MAGI1: variants seen among roughly 807,000 people sequenced by gnomAD.
The protein encoded by MAGI1 is membrane-associated guanylate kinase, WW and PDZ domain-containing protein 1.
In MAGI1, 58 loss-of-function variants were observed where a neutral mutation model predicts 139.9. The observed-to-expected ratio is 0.41, with a 90% CI of 0.34 to 0.52. The LOEUF (loss-of-function observed/expected upper bound fraction) is 0.52. MAGI1 is among the 20% of genes least tolerant of loss of function. MAGI1 has a pLI of 0.12. For synonymous variants in MAGI1, 812 were observed against 737.9 expected (o/e 1.10, Z -1.63); for missense variants, 1,874 against 1,901.6 (o/e 0.99, Z 0.27).
intron 1 of MAGI1, among the ~76,000 whole-genome samples, chr3:65,880,026 C>A (rs1027239871): frequency 6.6e-6 from 1 of 152,046 alleles, no homozygotes; most frequent in African/African-American, 2.4e-5. Flanking sequence ...TTTGGGAGGC[C>A]GAAGCAGGAG....
intron 4 of MAGI1, among the ~76,000 whole-genome samples, chr3:65,474,046 G>A (rs1950716905): frequency 2.6e-5 from 4 of 152,120 alleles, no homozygotes; most frequent in Non-Finnish European, 5.9e-5. Flanking sequence ...AAGGAGGAGT[G>A]CTTGAGCCCA....
In MAGI1 at chr3:65,439,885, TCTGCTGCTGCTGCTG is replaced by T. The variant is rs142043619; in HGVS notation, c.1249_1263del (p.Gln417_Gln421del). 8 of 1,584,784 alleles carry T rather than the reference TCTGCTGCTGCTGCTG, an allele frequency of 5.0e-6. No homozygotes were observed. Among genetic ancestry groups the T allele is most frequent in the Admixed American group, 3.4e-5 (2 of 58,968 alleles). On this transcript the variant is annotated inframe_deletion, in exon 9 of 23. Coordinates refer to ENST00000402939, the MANE Select transcript of MAGI1 (RefSeq NM_001033057.2). ...CTAGAGGAAAGAGGCCAACCTTCTG[TCTGCTGCTGCTGCTG>T]CTGCTGCTGCTGCTGTTGCTGCTGC...
At chr3:65,603,164 A>C (rs561800850) in intron 2 of MAGI1, among the ~76,000 whole-genome samples, 1 of 152,260 alleles carries the variant, frequency 6.6e-6, no homozygotes, top group Admixed American at 6.5e-5. Flanking sequence ...TATTTTATGG[A>C]CAGATTTTAC....
intron 2 of MAGI1, among the ~76,000 whole-genome samples, chr3:65,524,571 T>C (rs1016949609): frequency 3.9e-5 from 6 of 152,110 alleles, no homozygotes; most frequent in African/African-American, 9.7e-5. Context: ...CATGCTCAAA[T>C]AGAAACGAGG....
chr3:65,616,420 C>T (rs986993409), intron 2 of MAGI1, among the ~76,000 whole-genome samples: 7 of 152,072 alleles, frequency 4.6e-5, no homozygotes, highest in African/African-American at 1.4e-4. Context: ...AGAGTCGAAG[C>T]GTTCAGATCC....
intron 1 of MAGI1, among the ~76,000 whole-genome samples, chr3:65,693,153 C>G (rs892700260): frequency 6.6e-6 from 1 of 152,086 alleles, no homozygotes; most frequent in African/African-American, 2.4e-5. Flanking sequence ...CTGTGTTGCC[C>G]AGGCTTGTCT....
At chr3:65,470,610 C>CCTG in intron 4 of MAGI1, 126 bp from the exon 5 acceptor site, 1 of 573,928 alleles carries the variant, frequency 1.7e-6, no homozygotes, top group Non-Finnish European at 3.1e-6. Context: ...TGCTCTTATC[C>CCTG]TTTCCTAATT....
At chr3:65,817,447 G>T (rs186865792) in intron 1 of MAGI1, among the ~76,000 whole-genome samples, 173 of 152,196 alleles carry the variant, frequency 1.1e-3, no homozygotes, top group Non-Finnish European at 1.9e-3. Context: ...GCCTTTATAC[G>T]CAGTAATACT....
chr3:65,986,897 G>T (rs2065910784), intron 1 of MAGI1, among the ~76,000 whole-genome samples: 1 of 144,656 alleles, frequency 6.9e-6, no homozygotes, highest in African/African-American at 2.6e-5. Context: ...TTGAGACAGA[G>T]TCTAACTCTG....
intron 12 of MAGI1, among the ~76,000 whole-genome samples, chr3:65,426,076 A>C (rs1443705499): frequency 1.3e-5 from 2 of 152,124 alleles, no homozygotes; most frequent in Non-Finnish European, 2.9e-5. Context: ...AAGGACACAC[A>C]ATTGGAAGAG....
intron 2 of MAGI1, among the ~76,000 whole-genome samples, chr3:65,591,189 A>G (rs2081950212): frequency 6.6e-6 from 1 of 152,168 alleles, no homozygotes; most frequent in Non-Finnish European, 1.5e-5. Context: ...CCTGACTGTC[A>G]AGCTCACTAT....
intron 1 of MAGI1, among the ~76,000 whole-genome samples, chr3:65,900,163 CG>C (rs2061161437): frequency 6.6e-6 from 1 of 152,130 alleles, no homozygotes; most frequent in Non-Finnish European, 1.5e-5. Flanking sequence ...ATACACCCAT[CG>C]TCTTGCTTTG....
At position 65,982,762 on chromosome 3, in the gene MAGI1, C is replaced by T. The variant is rs187408293; in HGVS notation, c.313+55234G>A. Among the ~76,000 whole-genome samples the T allele has an allele frequency of 2.0e-5, 3 of 152,062 alleles. No individual in the cohort carries two copies. The South Asian group carries it at 6.2e-4, about 32-fold the overall frequency. On this transcript the variant is annotated intron_variant, in intron 1 of 22. Transcript: ENST00000402939. ...TGACTGTATATCTAAGCTCAGTAGG[C>T]ACCAGTGCCAAAAATCTACATTTGA...
intron 1 of MAGI1, among the ~76,000 whole-genome samples, chr3:65,826,345 T>C (rs746264189): frequency 1.5e-4 from 23 of 152,222 alleles, no homozygotes; most frequent in Non-Finnish European, 2.8e-4. Flanking sequence ...ATGCCAGTAT[T>C]ATGAGCTACT....
Position 65,359,047 on chromosome 3 carries a change from T to C in MAGI1, c.3635-1915A>G, listed in dbSNP as rs376843538. 9 of 1,608,520 alleles carry C rather than the reference T, an allele frequency of 5.6e-6. No homozygotes were observed. In the African/African-American group the frequency reaches 6.7e-5, roughly 12 times the overall value. On this transcript the variant is annotated intron_variant, in intron 22 of 22. Coordinates refer to ENST00000402939, the MANE Select transcript of MAGI1 (RefSeq NM_001033057.2). ...GGCCACAGCACAGAAACACCTAGTA[T>C]TGATTGAGCTACAAACCGTAGTTTG...
intron 1 of MAGI1, among the ~76,000 whole-genome samples, chr3:65,861,528 G>A (rs1350890035): frequency 6.6e-6 from 1 of 152,188 alleles, no homozygotes; most frequent in African/African-American, 2.4e-5. Context: ...AACTGGGTAT[G>A]TTAGTACTGT....
chr3:65,455,246 T>C (rs1949314283), intron 5 of MAGI1, among the ~76,000 whole-genome samples: 1 of 152,220 alleles, frequency 6.6e-6, no homozygotes, highest in Admixed American at 6.5e-5. Flanking sequence ...ACAACTAGGA[T>C]ACTGATACTG....
chr3:65,771,314 CA>C (rs59932981), intron 1 of MAGI1, among the ~76,000 whole-genome samples: 49,872 of 140,928 alleles, frequency 0.35, 8,905 homozygotes, highest in Admixed American at 0.5. Flanking sequence ...CTCAATGTCT[CA>C]AAAAAAAAAA....
intron 1 of MAGI1, among the ~76,000 whole-genome samples, chr3:65,803,045 T>C (rs1295522621): frequency 6.6e-6 from 1 of 152,210 alleles, no homozygotes; most frequent in African/African-American, 2.4e-5. Flanking sequence ...TGCTTCAATA[T>C]GGCCTTATTT....
Sources: gnomAD v4.1 joint callset for allele counts (sites outside exome capture counted in the v4.1 genomes callset) on GRCh38, gnomAD v4.1.1 for gene constraint, MANE v1.5 for transcripts, NCBI Gene and HGNC (gene_info 2026-07-23, HGNC 2026-07-21) for gene names.